The following EXOC4 variants were observed in gnomAD, a reference collection of about 807,000 sequenced individuals.
The protein encoded by EXOC4 is SEC8-like 1.
A neutral mutation model predicts 107.2 loss-of-function variants in EXOC4; 71 were observed. That is an observed-to-expected ratio of 0.66 (90% CI 0.55 to 0.81). The LOEUF (loss-of-function observed/expected upper bound fraction) is 0.81, where lower values mean the gene tolerates loss of function less well. EXOC4 is among the 30% of genes least tolerant of loss of function. The probability of loss-of-function intolerance (pLI) is 0.00; values close to 1 mark genes in which losing one functional copy is unlikely to be tolerated. For synonymous variants in EXOC4, 456 were observed against 441.2 expected, an observed-to-expected ratio of 1.03 and a Z score of -0.42; for missense variants, 1,108 against 1,189.6, an observed-to-expected ratio of 0.93 and a Z score of 1.01.
At chr7:133,742,341 G>A (rs1450215736) in intron 10 of EXOC4, among the ~76,000 whole-genome samples, 9 of 152,050 alleles carry the variant, frequency 5.9e-5, no homozygotes, top group Admixed American at 3.3e-4. Context: ...TTTCTTCTTA[G>A]AGTTTTGCTT....
rs186297058 is a variant in EXOC4, at chr7:133,970,106, C to T, written c.2207-27386C>T. Among the ~76,000 whole-genome samples the T allele has an allele frequency of 1.2e-3, 185 of 152,206 alleles. 1 individual carries two copies. Among genetic ancestry groups the T allele is most frequent in the African/African-American group, 4.3e-3 (180 of 41,542 alleles). The stretch of plus-strand genomic sequence containing the variant: ...GGCTTTGGGGCACTGTGGTGGTCTC[C>T]GTCCAGTTCAAACTTCCCAGTGGCT... On this transcript the variant is annotated intron_variant, in intron 14 of 17. Transcript: ENST00000253861.
chr7:133,620,558 G>A (rs1802305531), intron 9 of EXOC4, among the ~76,000 whole-genome samples: 1 of 152,150 alleles, frequency 6.6e-6, no homozygotes, highest in South Asian at 2.1e-4. Flanking sequence ...ATGCCCAAAT[G>A]TTCATCTGCT....
intron 11 of EXOC4, among the ~76,000 whole-genome samples, chr7:133,818,661 A>G (rs2151217739): frequency 6.6e-6 from 1 of 152,248 alleles, no homozygotes; most frequent in East Asian, 1.9e-4. Context: ...GGGGAATGCC[A>G]AAGGAACGTG....
chr7:133,424,148 A>C (rs576529273), intron 7 of EXOC4, among the ~76,000 whole-genome samples: 2 of 152,212 alleles, frequency 1.3e-5, no homozygotes, highest in African/African-American at 2.4e-5. Context: ...AGGCCACCCG[A>C]GCCAACAGCA....
intron 10 of EXOC4, among the ~76,000 whole-genome samples, chr7:133,806,614 T>G (rs1256146424): frequency 1.3e-5 from 2 of 152,198 alleles, no homozygotes; most frequent in African/African-American, 4.8e-5. Flanking sequence ...AGTCTATTGA[T>G]TGTCATCCCC....
At chr7:133,365,042 A>G (rs1480097184) in intron 6 of EXOC4, among the ~76,000 whole-genome samples, 1 of 152,070 alleles carries the variant, frequency 6.6e-6, no homozygotes, top group Non-Finnish European at 1.5e-5. Flanking sequence ...CATACCTCAC[A>G]CTGTGGTCAG....
intron 17 of EXOC4, among the ~76,000 whole-genome samples, chr7:134,018,167 GAT>G (rs1794952913): frequency 6.6e-6 from 1 of 152,178 alleles, no homozygotes; most frequent in African/African-American, 2.4e-5. Context: ...GTACTGAAAA[GAT>G]ATTAAGCTTG....
chr7:133,805,757 T>G (rs1264905168), intron 10 of EXOC4, among the ~76,000 whole-genome samples: 2 of 152,216 alleles, frequency 1.3e-5, no homozygotes, highest in Non-Finnish European at 2.9e-5. Flanking sequence ...GCATGTTTTA[T>G]GAAACTGCAA....
At chr7:133,454,772 C>G (rs1271898065) in intron 7 of EXOC4, among the ~76,000 whole-genome samples, 1 of 152,130 alleles carries the variant, frequency 6.6e-6, no homozygotes, top group East Asian at 1.9e-4. Context: ...AGGCCTGAAA[C>G]TAAAGATAGT....
chr7:133,435,797 C>T (rs1013964272), intron 7 of EXOC4, among the ~76,000 whole-genome samples: 1 of 152,100 alleles, frequency 6.6e-6, no homozygotes, highest in South Asian at 2.1e-4. Context: ...ATCTAGTGAT[C>T]TGTTAATTTC....
At chr7:133,831,505 G>A (rs537097637) in intron 11 of EXOC4, among the ~76,000 whole-genome samples, 1 of 151,490 alleles carries the variant, frequency 6.6e-6, no homozygotes, top group South Asian at 2.1e-4. Context: ...TCTAGCTTTG[G>A]ACATCAGTAA....
At chr7:133,464,579 AC>A in intron 7 of EXOC4, among the ~76,000 whole-genome samples, 1 of 152,172 alleles carries the variant, frequency 6.6e-6, no homozygotes, top group South Asian at 2.1e-4. Context: ...AGAGTTGGTG[AC>A]CTTATAGATG....
At chr7:133,857,405 G>C (rs1798439442) in intron 11 of EXOC4, among the ~76,000 whole-genome samples, 1 of 121,658 alleles carries the variant, frequency 8.2e-6, no homozygotes, top group Non-Finnish European at 1.7e-5. Flanking sequence ...TTGTCTTAGT[G>C]TCACAGGATC....
At chr7:133,565,933 G>A (rs1198426239) in intron 9 of EXOC4, among the ~76,000 whole-genome samples, 3 of 152,094 alleles carry the variant, frequency 2.0e-5, no homozygotes, top group Non-Finnish European at 4.4e-5. Context: ...GTAGCAGAAG[G>A]TGTCACATTC....
intron 9 of EXOC4, among the ~76,000 whole-genome samples, chr7:133,563,689 C>A (rs980722808): frequency 1.3e-5 from 2 of 152,072 alleles, no homozygotes; most frequent in Non-Finnish European, 2.9e-5. Flanking sequence ...TAAAACTAGG[C>A]GGCATAAGTT....
At chr7:134,069,923 A>G (rs890131071), downstream of EXOC4, among the ~76,000 whole-genome samples, 3 of 152,222 alleles carry the variant, frequency 2.0e-5, no homozygotes, top group Admixed American at 6.5e-5. Context: ...AACCAATGAG[A>G]GAGACCAGGG....
intron 2 of EXOC4, among the ~76,000 whole-genome samples, chr7:133,287,607 C>G (rs1368731918): frequency 1.3e-5 from 2 of 152,170 alleles, no homozygotes; most frequent in Non-Finnish European, 2.9e-5. Context: ...GCCACTGCGC[C>G]TGGCCTACTA....
At chr7:133,449,807 T>C (rs1460966609) in intron 7 of EXOC4, among the ~76,000 whole-genome samples, 2 of 152,066 alleles carry the variant, frequency 1.3e-5, no homozygotes, top group Admixed American at 6.6e-5. Context: ...TGTTCTGAAA[T>C]TTTTATGTCT....
chr7:133,452,265 T>C (rs1584928588), intron 7 of EXOC4, among the ~76,000 whole-genome samples: 1 of 152,256 alleles, frequency 6.6e-6, no homozygotes, highest in South Asian at 2.1e-4. Context: ...ATTTTCTGGA[T>C]TCCAAGACCC....
Sources: allele counts gnomAD v4.1 joint callset (sites outside exome capture counted in the v4.1 genomes callset), GRCh38; gene constraint gnomAD v4.1.1; transcripts MANE v1.5; gene names NCBI Gene and HGNC (gene_info 2026-07-23, HGNC 2026-07-21).